CIMIP6: variants seen among roughly 807,000 people sequenced by gnomAD.
CIMIP6 encodes ciliary microtubule inner protein 6.
chr2:54,331,056 T>A, the CIMIP6 span: 1 of 1,568,698 alleles, frequency 6.4e-7, no homozygotes. Flanking sequence ...TTTTCCTCCT[T>A]CAGGGGGAGG....
At chr2:54,369,039 C>T in the CIMIP6 span, among the ~76,000 whole-genome samples, 4 of 152,106 alleles carry the variant, frequency 2.6e-5, no homozygotes, top group East Asian at 3.9e-4. Flanking sequence ...GGGGACCTCA[C>T]GCTTGAATTG....
At chr2:54,371,380 G>T in the CIMIP6 span, among the ~76,000 whole-genome samples, 1 of 152,210 alleles carries the variant, frequency 6.6e-6, no homozygotes, top group East Asian at 1.9e-4. Context: ...TAGGGGGAAG[G>T]CAGGCCCATC....
chr2:54,356,322 A>G, the CIMIP6 span, among the ~76,000 whole-genome samples: 1 of 152,120 alleles, frequency 6.6e-6, no homozygotes, highest in African/African-American at 2.4e-5. Flanking sequence ...CTATTACTGT[A>G]TTGACAACAA....
the CIMIP6 span, among the ~76,000 whole-genome samples, chr2:54,356,473 C>T: frequency 6.6e-5 from 10 of 152,180 alleles, no homozygotes; most frequent in Admixed American, 1.3e-4. Flanking sequence ...TTCCTACCCT[C>T]CAGTCCAAAT....
the CIMIP6 span, among the ~76,000 whole-genome samples, chr2:54,372,578 G>T: frequency 6.6e-6 from 1 of 152,194 alleles, no homozygotes; most frequent in African/African-American, 2.4e-5. Context: ...CATGTAAGAA[G>T]TTTGACTACT....
At chr2:54,381,786 T>C in the CIMIP6 span, 5 of 1,492,738 alleles carry the variant, frequency 3.3e-6, no homozygotes, top group South Asian at 2.7e-5. Flanking sequence ...TAACGCTTGA[T>C]TGTAAACCAT....
At chr2:54,367,706 G>A in the CIMIP6 span, among the ~76,000 whole-genome samples, 2 of 152,042 alleles carry the variant, frequency 1.3e-5, no homozygotes, top group African/African-American at 2.4e-5. Context: ...AAGATTTATG[G>A]AGAAAATGCT....
chr2:54,380,644 G>A, the CIMIP6 span, among the ~76,000 whole-genome samples: 22 of 152,278 alleles, frequency 1.4e-4, 1 homozygote, highest in East Asian at 1.7e-3. Flanking sequence ...GTGCTGATAC[G>A]CTCTCCCCTA....
chr2:54,351,335 T>G, the CIMIP6 span, among the ~76,000 whole-genome samples: 2 of 152,216 alleles, frequency 1.3e-5, no homozygotes, highest in African/African-American at 4.8e-5. Context: ...ATATGTTCAT[T>G]GCAGCACTAT....
chr2:54,365,841 T>A, the CIMIP6 span, among the ~76,000 whole-genome samples: 1 of 152,208 alleles, frequency 6.6e-6, no homozygotes, highest in Non-Finnish European at 1.5e-5. Flanking sequence ...CTTAATTCAG[T>A]AGATTAAACA....
chr2:54,380,498 C>G, the CIMIP6 span, among the ~76,000 whole-genome samples: 1 of 152,132 alleles, frequency 6.6e-6, no homozygotes, highest in Non-Finnish European at 1.5e-5. Context: ...CAGGTTCCAG[C>G]TGATTGATAA....
At chr2:54,344,597 T>A in the CIMIP6 span, among the ~76,000 whole-genome samples, 164 of 152,186 alleles carry the variant, frequency 1.1e-3, 1 homozygote, top group East Asian at 0.021. Flanking sequence ...GCCTGTCCCT[T>A]AAATAAAGGC....
the CIMIP6 span, among the ~76,000 whole-genome samples, chr2:54,371,255 G>C: frequency 6.6e-6 from 1 of 152,220 alleles, no homozygotes; most frequent in Non-Finnish European, 1.5e-5. Flanking sequence ...AGAGAGGGAG[G>C]TGAAGTGCAG....
At chr2:54,336,509 T>C in the CIMIP6 span, among the ~76,000 whole-genome samples, 2 of 152,190 alleles carry the variant, frequency 1.3e-5, 1 homozygote, top group South Asian at 4.1e-4. Context: ...TATGTAAGGA[T>C]AGTAATTGTC....
At chr2:54,331,036 C>T in the CIMIP6 span, 6 of 1,611,954 alleles carry the variant, frequency 3.7e-6, no homozygotes, top group African/African-American at 8.0e-5. Flanking sequence ...ATTTCCCTTT[C>T]CAAAAACTAT....
At chr2:54,381,341 A>C in the CIMIP6 span, among the ~76,000 whole-genome samples, 1 of 152,078 alleles carries the variant, frequency 6.6e-6, no homozygotes, top group African/African-American at 2.4e-5. Flanking sequence ...AGTTGTTACA[A>C]CTCTCTAGGC....
the CIMIP6 span, among the ~76,000 whole-genome samples, chr2:54,358,227 A>G: frequency 6.6e-4 from 100 of 152,280 alleles, no homozygotes; most frequent in African/African-American, 2.2e-3. Flanking sequence ...GAGTCTTCCA[A>G]TTCCATTAGT....
At chr2:54,381,329 C>G in the CIMIP6 span, among the ~76,000 whole-genome samples, 2 of 152,168 alleles carry the variant, frequency 1.3e-5, no homozygotes, top group Admixed American at 6.5e-5. Context: ...TGATGTTGAG[C>G]GAGTTGTTAC....
chr2:54,380,315 T>C, the CIMIP6 span, among the ~76,000 whole-genome samples: 12 of 152,294 alleles, frequency 7.9e-5, no homozygotes, highest in African/African-American at 2.4e-4. Flanking sequence ...ATGAGACAAA[T>C]TGCCAAAGGC....
Sources: gnomAD v4.1 joint callset for allele counts (sites outside exome capture counted in the v4.1 genomes callset) on GRCh38, gnomAD v4.1.1 for gene constraint, MANE v1.5 for transcripts, NCBI Gene and HGNC (gene_info 2026-07-23, HGNC 2026-07-21) for gene names.